Variants in SLC24A2 observed in about 807,000 individuals in gnomAD.
SLC24A2 encodes the protein sodium/potassium/calcium exchanger 2.
Under a neutral mutation model 62.0 loss-of-function variants are expected in SLC24A2, and 36 were observed. The ratio of observed to expected loss-of-function variants is 0.58; its 90% CI spans 0.44 to 0.77. The LOEUF is 0.77. Ranked by LOEUF, SLC24A2 falls within the 30% of genes least tolerant of loss-of-function variation. The pLI, the probability that SLC24A2 is intolerant of heterozygous loss-of-function variation, is 0.00. For missense variants in SLC24A2, 846 were observed against 817.9 expected (o/e 1.03, Z -0.42); for synonymous variants, 358 against 294.0 (o/e 1.22, Z -2.23).
chr9:20,138,534 C>A, the SLC24A2 span, among the ~76,000 whole-genome samples: 1 of 152,048 alleles, frequency 6.6e-6, no homozygotes, highest in Non-Finnish European at 1.5e-5. Context: ...AATGTTTTGC[C>A]TATTATTTTA....
chr9:19,562,444 G>A (rs538213068), intron 7 of SLC24A2, among the ~76,000 whole-genome samples: 21 of 152,040 alleles, frequency 1.4e-4, no homozygotes, highest in Non-Finnish European at 2.1e-4. Context: ...TTTTACCAGC[G>A]AGATTCTCAG....
the SLC24A2 span, among the ~76,000 whole-genome samples, chr9:20,005,559 T>C: frequency 6.6e-6 from 1 of 151,982 alleles, no homozygotes; most frequent in African/African-American, 2.4e-5. Flanking sequence ...AACTCAAGTT[T>C]CTGAGACTCT....
At chr9:20,111,936 A>G in the SLC24A2 span, among the ~76,000 whole-genome samples, 6 of 152,196 alleles carry the variant, frequency 3.9e-5, no homozygotes, top group Non-Finnish European at 5.9e-5. Context: ...CTTCAAAATA[A>G]TATCATTTTA....
At chr9:20,091,122 C>T in the SLC24A2 span, among the ~76,000 whole-genome samples, 14,854 of 149,734 alleles carry the variant, frequency 0.099, 1,183 homozygotes, top group East Asian at 0.44. Context: ...TGAAGACTGG[C>T]TCTCTGAAAT....
At chr9:20,039,161 G>A in the SLC24A2 span, among the ~76,000 whole-genome samples, 5 of 152,298 alleles carry the variant, frequency 3.3e-5, no homozygotes, top group African/African-American at 4.8e-5. Flanking sequence ...TGAGCCAGAC[G>A]GGCTGGCCCT....
chr9:19,684,148 A>T (rs1317540447), intron 2 of SLC24A2, among the ~76,000 whole-genome samples: 1 of 152,076 alleles, frequency 6.6e-6, no homozygotes, highest in Non-Finnish European at 1.5e-5. Context: ...CTGCAGGGCC[A>T]ATAAGCTCCA....
At chr9:19,813,102 C>T in the SLC24A2 span, among the ~76,000 whole-genome samples, 6 of 152,234 alleles carry the variant, frequency 3.9e-5, no homozygotes, top group East Asian at 1.2e-3. Context: ...TCTGCCCCTG[C>T]CTTCCTCAGA....
At chr9:19,551,460 A>T (rs1472491639) in intron 7 of SLC24A2, among the ~76,000 whole-genome samples, 1 of 152,154 alleles carries the variant, frequency 6.6e-6, no homozygotes, top group Non-Finnish European at 1.5e-5. Flanking sequence ...TGAGCCCTCA[A>T]TACTTCCAAA....
the SLC24A2 span, among the ~76,000 whole-genome samples, chr9:20,230,509 T>C: frequency 6.6e-6 from 1 of 152,228 alleles, no homozygotes; most frequent in Non-Finnish European, 1.5e-5. Context: ...TTTTCATGTG[T>C]CTTTTGGCTG....
chr9:20,195,744 A>G, the SLC24A2 span, among the ~76,000 whole-genome samples: 1 of 152,094 alleles, frequency 6.6e-6, no homozygotes. Context: ...TGACTCCTCA[A>G]GATATTCTCT....
the SLC24A2 span, among the ~76,000 whole-genome samples, chr9:20,069,444 C>A: frequency 6.6e-6 from 1 of 152,108 alleles, no homozygotes; most frequent in Admixed American, 6.6e-5. Context: ...AACATGCAAA[C>A]AGAAAGTGTA....
the SLC24A2 span, among the ~76,000 whole-genome samples, chr9:19,997,046 AG>A: frequency 6.6e-6 from 1 of 151,856 alleles, no homozygotes; most frequent in Admixed American, 6.6e-5. Flanking sequence ...GAAAAAAAAA[AG>A]GCAAAAAAAG....
At chr9:19,810,825 G>T in the SLC24A2 span, among the ~76,000 whole-genome samples, 1 of 152,076 alleles carries the variant, frequency 6.6e-6, no homozygotes, top group Non-Finnish European at 1.5e-5. Context: ...TCCAAAGAAA[G>T]AAATGTACAA....
the SLC24A2 span, among the ~76,000 whole-genome samples, chr9:19,897,043 A>G: frequency 6.6e-6 from 1 of 152,214 alleles, no homozygotes; most frequent in Non-Finnish European, 1.5e-5. Context: ...CTACACTGAT[A>G]GAACTTGGAG....
At chr9:19,573,694 C>A (rs1331304831) in intron 6 of SLC24A2, among the ~76,000 whole-genome samples, 1 of 152,032 alleles carries the variant, frequency 6.6e-6, no homozygotes, top group Non-Finnish European at 1.5e-5. Context: ...GGATTTTTAC[C>A]GTTCTTCCCC....
chr9:19,854,342 T>C, the SLC24A2 span, among the ~76,000 whole-genome samples: 1 of 152,186 alleles, frequency 6.6e-6, no homozygotes, highest in African/African-American at 2.4e-5. Context: ...TGTCTTCCTC[T>C]AGCTTTAGAG....
the SLC24A2 span, among the ~76,000 whole-genome samples, chr9:20,210,390 G>C: frequency 6.6e-6 from 1 of 152,168 alleles, no homozygotes; most frequent in Non-Finnish European, 1.5e-5. Flanking sequence ...GTAGAAAGCA[G>C]TGACAAAAGA....
chr9:20,257,693 C>T, the SLC24A2 span, among the ~76,000 whole-genome samples: 14 of 152,174 alleles, frequency 9.2e-5, no homozygotes, highest in Non-Finnish European at 1.5e-4. Context: ...TTCTTTCTTC[C>T]TCATCTGTAA....
the SLC24A2 span, among the ~76,000 whole-genome samples, chr9:20,081,188 T>C: frequency 1.4e-4 from 21 of 152,214 alleles, no homozygotes; most frequent in Admixed American, 9.8e-4. Context: ...CGTATGTTTA[T>C]TGCGGCACTA....
Sources: gnomAD v4.1 joint callset for allele counts (sites outside exome capture counted in the v4.1 genomes callset) on GRCh38, gnomAD v4.1.1 for gene constraint, MANE v1.5 for transcripts, NCBI Gene and HGNC (gene_info 2026-07-23, HGNC 2026-07-21) for gene names.